The following GDA variants were observed in gnomAD, a reference collection of about 807,000 sequenced individuals.
GDA encodes guanine deaminase.
In GDA, 18 loss-of-function variants were observed where a neutral mutation model predicts 59.6. The ratio of observed to expected loss-of-function variants is 0.30; its 90% CI spans 0.21 to 0.45. The LOEUF (loss-of-function observed/expected upper bound fraction) is 0.45, where lower values mean the gene tolerates loss of function less well. Among genes scored for constraint, GDA ranks in the 20% least tolerant of loss-of-function variants. GDA has a pLI of 1.00. For synonymous variants in GDA, 201 were observed against 201.1 expected (o/e 1.00, Z 0.00); for missense variants, 427 against 552.3 (o/e 0.77, Z 2.27).
chr9:72,248,420 G>A lies in GDA; in HGVS notation c.*78G>A. 6.3e-7 allele frequency: 1 copy of A among 1,599,922 alleles called. No homozygotes were observed. Among genetic ancestry groups the A allele is most frequent in the South Asian group, 1.1e-5 (1 of 88,594 alleles). On this transcript the variant is annotated 3_prime_UTR_variant, in exon 14 of 14. Coordinates refer to ENST00000358399, the MANE Select transcript of GDA (RefSeq NM_004293.5). ...CCTTGTGCCCAGGTGGAGTTAGAAA[G>A]TCAAAAAATAGTACCTTGTTCTTGG...
chr9:72,191,761 A>G (rs1832584111), intron 1 of GDA, among the ~76,000 whole-genome samples: 3 of 151,694 alleles, frequency 2.0e-5, no homozygotes, highest in African/African-American at 7.3e-5. Flanking sequence ...GATTTTTTGT[A>G]TTTTTTAGTA....
intron 1 of GDA, among the ~76,000 whole-genome samples, chr9:72,159,691 A>C (rs1329131995): frequency 6.6e-6 from 1 of 152,190 alleles, no homozygotes; most frequent in African/African-American, 2.4e-5. Context: ...ACCCTTATAC[A>C]CTCATCAACA....
At chr9:72,236,776 A>ATTTTT (rs201065067) in intron 10 of GDA, among the ~76,000 whole-genome samples, 1 of 101,466 alleles carries the variant, frequency 9.9e-6, no homozygotes, top group Non-Finnish European at 2.0e-5. Context: ...AACCACTCCT[A>ATTTTT]TTTTTTTTTT....
At chr9:72,170,591 G>GCTTA (rs1029037336) in intron 1 of GDA, among the ~76,000 whole-genome samples, 7 of 152,142 alleles carry the variant, frequency 4.6e-5, no homozygotes, top group Non-Finnish European at 8.8e-5. Flanking sequence ...ATATGGGGAG[G>GCTTA]CTTACTATTT....
At chr9:72,148,324 T>C (rs1226958534), upstream of GDA, among the ~76,000 whole-genome samples, 2 of 145,552 alleles carry the variant, frequency 1.4e-5, no homozygotes, top group Admixed American at 6.8e-5. Context: ...TGTGTGTGTG[T>C]GTGTGTGTGT....
intron 10 of GDA, 131 bp from the exon 11 acceptor site, chr9:72,241,021 G>A: frequency 5.6e-6 from 3 of 537,398 alleles, no homozygotes; most frequent in South Asian, 4.7e-5. Context: ...ACTATCTTGT[G>A]TTTATAGTTA....
chr9:72,134,248 A>G lies in GDA; in HGVS notation c.-100+19415A>G, dbSNP rs180833605. 2.6e-3 allele frequency among the ~76,000 whole-genome samples: 399 copies of G among 152,340 alleles called. 1 individual carries two copies. Among genetic ancestry groups the G allele is most frequent in the Admixed American group, 5.5e-3 (84 of 15,310 alleles). On this transcript the variant is annotated intron_variant, in intron 1 of 13. Coordinates refer to the GDA transcript ENST00000545168. ...TTAGAGAGCTAGTGTCATCTTAAACATGACATTTAATGTTTATCACAATTC... is the reference window on the plus strand; with the variant it reads ...TTAGAGAGCTAGTGTCATCTTAAACGTGACATTTAATGTTTATCACAATTC...
chr9:72,159,519 AT>A (rs1313135003), intron 1 of GDA, among the ~76,000 whole-genome samples: 1 of 152,260 alleles, frequency 6.6e-6, no homozygotes, highest in African/African-American at 2.4e-5. Flanking sequence ...TTAAAAAAAA[AT>A]TGAAGGCCAA....
chr9:72,145,697 G>T (rs1826602461), upstream of GDA, among the ~76,000 whole-genome samples: 1 of 152,298 alleles, frequency 6.6e-6, no homozygotes. Context: ...GGGCTACTTG[G>T]CTCCATCTGA....
intron 5 of GDA, chr9:72,214,675 G>A (rs1835871621): frequency 3.3e-6 from 1 of 301,242 alleles, no homozygotes; most frequent in Non-Finnish European, 6.3e-6. Context: ...TTTAAGTAGT[G>A]GAGCCAGAAT....
intron 1 of GDA, among the ~76,000 whole-genome samples, chr9:72,189,870 T>C (rs1349725851): frequency 1.3e-5 from 2 of 152,044 alleles, no homozygotes; most frequent in African/African-American, 2.4e-5. Context: ...GAAATGAATA[T>C]GTTTTGTACT....
Position 72,247,445 on chromosome 9 carries a change from C to T in GDA, c.1294+12C>T, listed in dbSNP as rs11143200. On this transcript the variant is annotated intron_variant, in intron 13 of 13. Transcript: ENST00000358399. ...GTTCCTCTATCTAGGTAGGTAGATG[C>T]ATGTCTCTATGCTAAATATTAAATA... 40,909 of 1,363,204 alleles carry T rather than the reference C, an allele frequency of 0.03. 1,079 individuals carry two copies. The highest frequency in any genetic ancestry group is 0.12 in the African/African-American group (8,275 of 69,476). The allele number at this position is 1,363,204 out of a possible 1,614,324, so 84.4% of individuals were successfully genotyped here. A position where few individuals can be genotyped will look rare whatever the true frequency, so the allele number is the denominator to read the frequency against.
intron 4 of GDA, among the ~76,000 whole-genome samples, chr9:72,213,310 C>A (rs62561983): frequency 0.091 from 13,779 of 152,018 alleles, 756 homozygotes; most frequent in Middle Eastern, 0.13. Context: ...AAAAACCCAC[C>A]TGACAGCCTG....
At chr9:72,133,308 A>ATAATAATAATAAT (rs1554722432) in intron 1 of GDA, among the ~76,000 whole-genome samples, 22 of 101,566 alleles carry the variant, frequency 2.2e-4, no homozygotes, top group East Asian at 1.2e-3. Context: ...AAAAAAAAAA[A>ATAATAATAATAAT]AATAATAATA....
chr9:72,146,914 T>C (rs1447303405), upstream of GDA, among the ~76,000 whole-genome samples: 1 of 152,206 alleles, frequency 6.6e-6, no homozygotes, highest in Admixed American at 6.5e-5. Context: ...AACTATGCAT[T>C]GCTCAAAAGA....
intron 3 of GDA, among the ~76,000 whole-genome samples, chr9:72,205,823 A>G (rs1168378838): frequency 6.6e-6 from 1 of 152,228 alleles, no homozygotes; most frequent in Non-Finnish European, 1.5e-5. Flanking sequence ...TTGCTTTAAC[A>G]CAGTCCAATT....
intron 7 of GDA, among the ~76,000 whole-genome samples, chr9:72,223,942 GTT>G (rs993937463): frequency 6.6e-6 from 1 of 152,032 alleles, no homozygotes; most frequent in Non-Finnish European, 1.5e-5. Flanking sequence ...GTAAATCAGT[GTT>G]TTTTTGGTTT....
intron 3 of GDA, among the ~76,000 whole-genome samples, 154 bp downstream of exon 3, chr9:72,202,896 G>A (rs1468775965): frequency 1.4e-5 from 2 of 141,940 alleles, no homozygotes; most frequent in Non-Finnish European, 3.1e-5. Context: ...CAGTGAGTTT[G>A]TGACCACCTC....
chr9:72,259,114 T>C (rs912949013), downstream of GDA, among the ~76,000 whole-genome samples: 4 of 150,470 alleles, frequency 2.7e-5, no homozygotes, highest in Non-Finnish European at 5.9e-5. Flanking sequence ...AACCTCTGCC[T>C]CCCAGGTTTA....
Sources: allele counts gnomAD v4.1 joint callset (sites outside exome capture counted in the v4.1 genomes callset), GRCh38; gene constraint gnomAD v4.1.1; transcripts MANE v1.5; gene names NCBI Gene and HGNC (gene_info 2026-07-23, HGNC 2026-07-21).